Variants in HAS2 observed in about 807,000 individuals in gnomAD.
HAS2 encodes the protein hyaluronan synthase 2, also known as HA synthase 2.
Under a neutral mutation model 51.6 loss-of-function variants are expected in HAS2, and 16 were observed. That is an observed-to-expected ratio of 0.31 (90% CI 0.21 to 0.47). The LOEUF is 0.47. Ranked by LOEUF, HAS2 falls within the 20% of genes least tolerant of loss-of-function variation. HAS2 has a pLI of 1.00. For missense variants in HAS2, 361 were observed against 662.6 expected, an observed-to-expected ratio of 0.54 and a Z score of 5.00; for synonymous variants, 228 against 235.5, an observed-to-expected ratio of 0.97 and a Z score of 0.29.
At position 121,613,016 on chromosome 8, in the gene HAS2, A is replaced by G. The variant is rs940425866; in HGVS notation, c.*1093T>C. On this transcript the variant is annotated 3_prime_UTR_variant, in exon 4 of 4. Coordinates refer to ENST00000303924, the MANE Select transcript of HAS2 (RefSeq NM_005328.3). The stretch of plus-strand genomic sequence containing the variant: ...GGACCCAGTAAATTCAGGCCACAGA[A>G]CAAAACCTTTGATAAACTGCATTGT... The G allele has an allele frequency of 6.6e-6, 1 of 152,052 alleles. No homozygotes were observed. Among genetic ancestry groups the G allele is most frequent in the Non-Finnish European group, 1.5e-5 (1 of 68,004 alleles). 9.4% of individuals were successfully genotyped at this position (152,052 alleles called of 1,614,324 possible).
intron 1 of HAS2, among the ~76,000 whole-genome samples, chr8:121,638,486 T>G (rs1217638936): frequency 1.3e-5 from 2 of 152,190 alleles, no homozygotes; most frequent in Non-Finnish European, 2.9e-5. Context: ...ACGTCCACAA[T>G]ATATTTTTCT....
intron 1 of HAS2, among the ~76,000 whole-genome samples, chr8:121,638,205 T>C (rs191153295): frequency 6.6e-6 from 1 of 152,230 alleles, no homozygotes; most frequent in Non-Finnish European, 1.5e-5. Context: ...TTCAATACTA[T>C]GGGGCTATAT....
At chr8:121,623,029 C>T (rs1231904724) in intron 2 of HAS2, among the ~76,000 whole-genome samples, 1 of 151,878 alleles carries the variant, frequency 6.6e-6, no homozygotes, top group Non-Finnish European at 1.5e-5. Flanking sequence ...AGGTTCTTCC[C>T]TTGTAGTAAT....
chr8:121,634,238 C>T (rs912952263), intron 1 of HAS2, among the ~76,000 whole-genome samples: 9 of 151,898 alleles, frequency 5.9e-5, no homozygotes, highest in Non-Finnish European at 8.8e-5. Flanking sequence ...CTACCGTGCC[C>T]GGCCAGAGTT....
At chr8:121,627,196 T>C (rs1563622378) in intron 2 of HAS2, among the ~76,000 whole-genome samples, 1 of 152,220 alleles carries the variant, frequency 6.6e-6, no homozygotes, top group Non-Finnish European at 1.5e-5. Context: ...TGTTTTCTCA[T>C]TTAAAGTCCA....
intron 1 of HAS2, among the ~76,000 whole-genome samples, chr8:121,634,948 C>T (rs929823095): frequency 8.5e-5 from 13 of 152,086 alleles, no homozygotes; most frequent in African/African-American, 3.1e-4. Context: ...AAGTTTGGGG[C>T]ATCAACTTTT....
Position 121,630,616 on chromosome 8 carries a change from C to T in HAS2, c.1-1276G>A, listed in dbSNP as rs140459946. Among the ~76,000 whole-genome samples, 1,209 of 152,270 alleles carry T rather than the reference C, an allele frequency of 7.9e-3. 10 individuals carry two copies. Among genetic ancestry groups the T allele is most frequent in the Admixed American group, 0.015 (232 of 15,298 alleles). ...TTCGCATCCATTTTTGGGCTTTTCT[C>T]ATATTTACATGTATTTAGTGCTTAA... On this transcript the variant is annotated intron_variant, in intron 1 of 3. Coordinates refer to ENST00000303924, the MANE Select transcript of HAS2 (RefSeq NM_005328.3).
At chr8:121,620,349 G>C (rs1247893040) in intron 2 of HAS2, among the ~76,000 whole-genome samples, 2 of 152,172 alleles carry the variant, frequency 1.3e-5, no homozygotes, top group African/African-American at 4.8e-5. Context: ...TCGGTAACAA[G>C]TATGCAATTT....
intron 2 of HAS2, among the ~76,000 whole-genome samples, chr8:121,618,590 A>G (rs1871884): frequency 0.19 from 29,299 of 152,162 alleles, 2,922 homozygotes; most frequent in Middle Eastern, 0.3. Context: ...AGTAGGAAAA[A>G]AAAGTCCCCA....
In HAS2 at chr8:121,629,037, A is replaced by T. The variant is rs777314730; in HGVS notation, c.304T>A (p.Cys102Ser). The change falls in exon 2 of 4, where the codon TGT becomes AGT. Residue 102 changes from cysteine to serine, a missense_variant. Coordinates refer to ENST00000303924, the MANE Select transcript of HAS2 (RefSeq NM_005328.3). ...YQEDPDYLRK[C>S]LQSVKRLTYP... is the part of the protein sequence containing the mutation. Reference sequence around the variant, plus strand: ...GTTAGCCTTTTCACAGATTGCAAACATTTCCTTAAGTAGTCTGGATCTTCT... The same window carrying T: ...GTTAGCCTTTTCACAGATTGCAAACTTTTCCTTAAGTAGTCTGGATCTTCT... The T allele has an allele frequency of 6.2e-7, 1 of 1,614,078 alleles. No individual in the cohort carries two copies. Among genetic ancestry groups the T allele is most frequent in the South Asian group, 1.1e-5 (1 of 91,076 alleles).
chr8:121,616,337 A>AT (rs1229016421), intron 3 of HAS2, among the ~76,000 whole-genome samples: 5 of 150,644 alleles, frequency 3.3e-5, no homozygotes, highest in Middle Eastern at 3.2e-3. Context: ...TTTGACTCAG[A>AT]TTTTTTTTTA....
intron 1 of HAS2, among the ~76,000 whole-genome samples, chr8:121,637,794 G>C (rs189554405): frequency 2.4e-3 from 368 of 152,282 alleles, no homozygotes; most frequent in Non-Finnish European, 3.5e-3. Context: ...TTCTCTACAG[G>C]TAGCTGTCCC....
intron 1 of HAS2, chr8:121,639,475 G>T (rs538897415): frequency 3.3e-5 from 5 of 152,882 alleles, no homozygotes; most frequent in Non-Finnish European, 7.3e-5. Context: ...CCAGAGGCGC[G>T]CGGTGTCCTT....
At chr8:121,618,744 G>T (rs1028097358) in intron 2 of HAS2, among the ~76,000 whole-genome samples, 1 of 152,096 alleles carries the variant, frequency 6.6e-6, no homozygotes, top group Non-Finnish European at 1.5e-5. Flanking sequence ...GGCATGATTG[G>T]CAGAGACTGA....
intron 1 of HAS2, among the ~76,000 whole-genome samples, chr8:121,631,496 C>A (rs1036260553): frequency 7.2e-5 from 11 of 152,074 alleles, no homozygotes; most frequent in African/African-American, 2.7e-4. Flanking sequence ...AACCAGGAAG[C>A]GAAAAAGCAA....
intron 1 of HAS2, among the ~76,000 whole-genome samples, chr8:121,638,805 A>C (rs1813047181): frequency 6.6e-6 from 1 of 152,222 alleles, no homozygotes; most frequent in Admixed American, 6.5e-5. Flanking sequence ...AACTAATTTA[A>C]TGAATGAGTC....
At chr8:121,618,255 T>C (rs576207019) in intron 2 of HAS2, among the ~76,000 whole-genome samples, 1 of 150,238 alleles carries the variant, frequency 6.7e-6, no homozygotes, top group African/African-American at 2.5e-5. Context: ...TAGGGCTTTA[T>C]ATGTGGAAAA....
At position 121,628,777 on chromosome 8, in the gene HAS2, A is replaced by T; in HGVS notation, c.564T>A (p.Gly188=). Residue 188 remains glycine, a synonymous_variant, in exon 2 of 4, where the codon GGT becomes GGA. Coordinates refer to ENST00000303924, the MANE Select transcript of HAS2 (RefSeq NM_005328.3). The part of the protein sequence containing the change: ...NKSICIMQKW[G]GKREVMYTAF... ...CTGTGTACATGACTTCTCTTTTTCCACCCCATTTTTGCATGATGCAGATAC... is the reference window on the plus strand; with the variant it reads ...CTGTGTACATGACTTCTCTTTTTCCTCCCCATTTTTGCATGATGCAGATAC... 1 of 1,613,688 alleles carries T rather than the reference A, an allele frequency of 6.2e-7. No homozygotes were observed. The highest frequency in any genetic ancestry group is 1.1e-5 in the South Asian group (1 of 91,064).
chr8:121,635,564 C>CA, intron 1 of HAS2, among the ~76,000 whole-genome samples: 1 of 152,298 alleles, frequency 6.6e-6, no homozygotes, highest in Non-Finnish European at 1.5e-5. Context: ...CAACCTGGCT[C>CA]AGACAAACCG....
Sources: allele counts gnomAD v4.1 joint callset (sites outside exome capture counted in the v4.1 genomes callset), GRCh38; gene constraint gnomAD v4.1.1; transcripts MANE v1.5; gene names NCBI Gene and HGNC (gene_info 2026-07-23, HGNC 2026-07-21).